The following SPEF2 variants were observed in gnomAD, a reference collection of about 807,000 sequenced individuals.
SPEF2 encodes sperm flagella and cilia-associated protein 2.
SPEF2 carries 187 observed loss-of-function variants against 224.6 expected under a neutral mutation model. The ratio of observed to expected loss-of-function variants is 0.83; its 90% CI spans 0.74 to 0.94. The LOEUF (loss-of-function observed/expected upper bound fraction) is 0.94. SPEF2 is among the 40% of genes least tolerant of loss of function. The pLI, the probability that SPEF2 is intolerant of heterozygous loss-of-function variation, is 0.00. For missense variants in SPEF2, 2,170 were observed against 2,135.6 expected, an observed-to-expected ratio of 1.02 and a Z score of -0.32; for synonymous variants, 715 against 707.3, an observed-to-expected ratio of 1.01 and a Z score of -0.17.
rs373836954 is a variant in SPEF2, at chr5:35,663,740, C to A, written c.1168-3332C>A. 9.7e-4 allele frequency among the ~76,000 whole-genome samples: 147 copies of A among 152,166 alleles called. No homozygotes were observed. In the South Asian group the frequency reaches 0.03, roughly 31 times the overall value. ...ACATTATTTATTTTCCTTAAATCAA[C>A]CCTAAGTTTTACTCTTTCATCCTAC... On this transcript the variant is annotated intron_variant, in intron 8 of 36. Coordinates refer to ENST00000356031, the MANE Select transcript of SPEF2 (RefSeq NM_024867.4).
At chr5:35,806,976 A>T (rs775302975) in intron 35 of SPEF2, 24 bp downstream of exon 35, 1 of 1,582,226 alleles carries the variant, frequency 6.3e-7, no homozygotes, top group African/African-American at 1.4e-5. Flanking sequence ...TTTTGAAAAA[A>T]GTTGGCCTCA....
At chr5:35,746,902 T>A (rs1748631479) in intron 23 of SPEF2, among the ~76,000 whole-genome samples, 1 of 152,112 alleles carries the variant, frequency 6.6e-6, no homozygotes, top group South Asian at 2.1e-4. Flanking sequence ...AAGGAAAGAA[T>A]TTTCAGAGCT....
intron 20 of SPEF2, among the ~76,000 whole-genome samples, chr5:35,715,060 C>T (rs1742267496): frequency 6.6e-6 from 1 of 151,806 alleles, no homozygotes; most frequent in Admixed American, 6.6e-5. Flanking sequence ...GGACAACAGG[C>T]ATATGCCACC....
rs931279817 is a variant in SPEF2 at position 35,700,495 on chromosome 5, G to A, written c.2142-1G>A. ...TCATGAGTTGTCCTGTTTCAATTTA[G>A]TGAGATACCTGTGAATCAAGACTGT... On this transcript the variant is annotated splice_acceptor_variant, in intron 15 of 36. Coordinates refer to ENST00000356031, the MANE Select transcript of SPEF2 (RefSeq NM_024867.4). LOFTEE classifies it high-confidence loss of function. 2 of 1,607,990 alleles carry A rather than the reference G, an allele frequency of 1.2e-6. No individual in the cohort carries two copies. Among genetic ancestry groups the A allele is most frequent in the South Asian group, 1.1e-5 (1 of 90,732 alleles).
chr5:35,647,022 C>T (rs1561127432), intron 5 of SPEF2, among the ~76,000 whole-genome samples: 1 of 152,152 alleles, frequency 6.6e-6, no homozygotes, highest in East Asian at 1.9e-4. Context: ...TTTAGGCCAG[C>T]AATGGCAAAC....
chr5:35,684,036 A>T (rs1291392407), intron 10 of SPEF2: 7 of 152,186 alleles, frequency 4.6e-5, no homozygotes, highest in Admixed American at 2.6e-4. Flanking sequence ...ATGTCTATTT[A>T]CAATACCTGA....
Position 35,667,255 on chromosome 5 carries a change from A to G in SPEF2, c.1351A>G (p.Asn451Asp). ...TKVADYRMLT[N>D]NLIPYKLMHD... Reference sequence around the variant, plus strand: ...AGTGGCAGACTATCGAATGTTGACAAATAAGTAAGTATTTTTTTTGTAATA... The same window carrying G: ...AGTGGCAGACTATCGAATGTTGACAGATAAGTAAGTATTTTTTTTGTAATA... The change falls in exon 9 of 37, where the codon AAT becomes GAT. Residue 451 changes from asparagine to aspartate, a missense_variant. Physicochemically the swap from Asn to Asp is conservative, Grantham distance 23 (BLOSUM62 1). Transcript: ENST00000356031. The G allele has an allele frequency of 6.3e-7, 1 of 1,594,436 alleles. No homozygotes were observed. The highest frequency in any genetic ancestry group is 8.6e-7 in the Non-Finnish European group (1 of 1,169,100).
intron 23 of SPEF2, among the ~76,000 whole-genome samples, chr5:35,741,681 AT>A (rs1468355367): frequency 6.6e-6 from 1 of 152,230 alleles, no homozygotes; most frequent in Non-Finnish European, 1.5e-5. Flanking sequence ...GCAAGGCGTC[AT>A]TGTGGCTTGG....
intron 20 of SPEF2, among the ~76,000 whole-genome samples, chr5:35,726,140 C>G (rs1744611601): frequency 6.6e-6 from 1 of 152,118 alleles, no homozygotes; most frequent in Admixed American, 6.5e-5. Context: ...ATATTTTGCC[C>G]TTCAGTATTT....
chr5:35,772,334 T>C (rs938064183), intron 27 of SPEF2, among the ~76,000 whole-genome samples: 1 of 152,182 alleles, frequency 6.6e-6, no homozygotes, highest in African/African-American at 2.4e-5. Context: ...TCATAGATTG[T>C]CTGTGATATG....
chr5:35,663,397 T>G (rs1162394629), intron 8 of SPEF2, among the ~76,000 whole-genome samples: 1 of 152,186 alleles, frequency 6.6e-6, no homozygotes, highest in Non-Finnish European at 1.5e-5. Flanking sequence ...CCAAGCCAAA[T>G]GTATGACCTT....
chr5:35,811,394 T>C (rs937444021), intron 36 of SPEF2, among the ~76,000 whole-genome samples: 5 of 152,208 alleles, frequency 3.3e-5, no homozygotes, highest in African/African-American at 9.7e-5. Flanking sequence ...AAGGTTCTTG[T>C]TTAGAAGTGA....
intron 20 of SPEF2, among the ~76,000 whole-genome samples, chr5:35,722,105 A>AG (rs1353704841): frequency 3.3e-5 from 5 of 151,816 alleles, no homozygotes; most frequent in Admixed American, 6.6e-5. Flanking sequence ...AAAAAAAAAA[A>AG]CAGTTTAAAA....
chr5:35,739,550 T>G (rs1268461438), intron 21 of SPEF2, among the ~76,000 whole-genome samples: 5 of 152,160 alleles, frequency 3.3e-5, no homozygotes. Context: ...TGGCTAATTT[T>G]TTGTATTTTT....
intron 10 of SPEF2, among the ~76,000 whole-genome samples, chr5:35,687,607 G>A (rs988897549): frequency 8.6e-5 from 13 of 151,948 alleles, no homozygotes; most frequent in Non-Finnish European, 1.3e-4. Context: ...TGCCCACCTC[G>A]GTCTCCCAAA....
At chr5:35,807,073 T>G in intron 35 of SPEF2, 58 bp from the exon 36 acceptor site, 2 of 1,571,280 alleles carry the variant, frequency 1.3e-6, no homozygotes, top group South Asian at 2.4e-5. Context: ...ACAACCATTT[T>G]TTTTAACATC....
In SPEF2 at chr5:35,648,717, A is replaced by G. The variant is rs148122259; in HGVS notation, c.727-644A>G. On this transcript the variant is annotated intron_variant, in intron 5 of 36. Transcript: ENST00000356031. ...TAATTAATAGTGTAAATAAAGTTGC[A>G]TGAGGAATGTTTAAAACACCCAGGA... Among the ~76,000 whole-genome samples, 87 of 152,338 alleles carry G rather than the reference A, an allele frequency of 5.7e-4. 1 individual carries two copies. In the East Asian group the frequency reaches 0.017, roughly 29 times the overall value.
intron 34 of SPEF2, among the ~76,000 whole-genome samples, chr5:35,804,031 A>T (rs930639845): frequency 1.1e-4 from 16 of 151,416 alleles, no homozygotes; most frequent in African/African-American, 3.9e-4. Flanking sequence ...TGGGGTTAGT[A>T]AATTGTGAGC....
chr5:35,644,053 A>C (rs933683768), intron 3 of SPEF2, among the ~76,000 whole-genome samples: 8 of 152,192 alleles, frequency 5.3e-5, no homozygotes, highest in African/African-American at 1.9e-4. Flanking sequence ...AAAAAAATAA[A>C]TAAAATTTAT....
Sources: allele counts gnomAD v4.1 joint callset (sites outside exome capture counted in the v4.1 genomes callset), GRCh38; gene constraint gnomAD v4.1.1; transcripts MANE v1.5; gene names NCBI Gene and HGNC (gene_info 2026-07-23, HGNC 2026-07-21).